The following BDKRB2 variants were observed in gnomAD, a reference collection of about 807,000 sequenced individuals.
BDKRB2 encodes the protein bradykinin receptor B2.
BDKRB2 carries 6 observed loss-of-function variants against 4.0 expected under a neutral mutation model. The observed-to-expected ratio is 1.49, with a 90% CI of 0.81 to 2.93. BDKRB2 has a LOEUF of 2.93. Among genes scored for constraint, BDKRB2 ranks in the 30% most tolerant of loss-of-function variants. BDKRB2 has a pLI of 0.00. For synonymous variants in BDKRB2, 225 were observed against 215.3 expected (o/e 1.05, Z -0.40); for missense variants, 478 against 520.1 (o/e 0.92, Z 0.79).
chr14:96,207,103 T>C (rs1890201314), intron 1 of BDKRB2, among the ~76,000 whole-genome samples: 1 of 151,966 alleles, frequency 6.6e-6, no homozygotes, highest in South Asian at 2.1e-4. Flanking sequence ...TCTCAACAGG[T>C]GAATTTTGGA....
At chr14:96,206,164 C>T (rs900302445) in intron 1 of BDKRB2, among the ~76,000 whole-genome samples, 13 of 152,250 alleles carry the variant, frequency 8.5e-5, no homozygotes, top group African/African-American at 3.1e-4. Context: ...AGACATTCCA[C>T]AGTTGTGAGC....
intron 2 of BDKRB2, chr14:96,238,704 C>A: frequency 9.2e-6 from 9 of 976,488 alleles, no homozygotes; most frequent in Non-Finnish European, 1.1e-5. Context: ...GCCTGGTCCA[C>A]TTGTCCTCCT....
chr14:96,216,931 A>C (rs1346948279), intron 1 of BDKRB2, among the ~76,000 whole-genome samples: 3 of 152,236 alleles, frequency 2.0e-5, no homozygotes, highest in African/African-American at 7.2e-5. Context: ...TGAACCAGAA[A>C]GCCCAAGGAG....
intron 1 of BDKRB2, among the ~76,000 whole-genome samples, chr14:96,206,127 C>T (rs79825401): frequency 0.049 from 7,503 of 152,304 alleles, 434 homozygotes; most frequent in Admixed American, 0.17. Context: ...AACTGTGCTG[C>T]GTCCTTCGGG....
chr14:96,212,456 A>G (rs1890323995), intron 1 of BDKRB2, among the ~76,000 whole-genome samples: 1 of 152,232 alleles, frequency 6.6e-6, no homozygotes, highest in Admixed American at 6.5e-5. Context: ...AAAAAGTAGA[A>G]GAAAGAAAAG....
rs975275806 is a variant in BDKRB2 at position 96,244,097 on chromosome 14, C to G, written c.*2593C>G. On this transcript the variant is annotated 3_prime_UTR_variant, in exon 3 of 3. Coordinates refer to ENST00000554311, the MANE Select transcript of BDKRB2 (RefSeq NM_001379692.1). ...GTTGTAAACAGGAAGCATTTCACAT[C>G]CAAACGAGAAAATCATGTAAACATG... The G allele has an allele frequency of 5.3e-5, 21 of 398,216 alleles. No individual in the cohort carries two copies. The highest frequency in any genetic ancestry group is 8.8e-5 in the Non-Finnish European group (20 of 226,034). 24.7% of individuals were successfully genotyped at this position (398,216 alleles called of 1,614,324 possible).
At position 96,204,857 on chromosome 14, in the gene BDKRB2, G is replaced by T; in HGVS notation, c.-142G>T. The T allele has an allele frequency of 2.7e-6, 1 of 371,750 alleles. No individual in the cohort carries two copies. Among genetic ancestry groups the T allele is most frequent in the South Asian group, 1.8e-5 (1 of 54,776 alleles). The allele number at this position is 371,750 out of a possible 1,614,324, so 23.0% of individuals were successfully genotyped here. A position where few individuals can be genotyped will look rare whatever the true frequency, so the allele number is the denominator to read the frequency against. ...CGCCGCCACTCCAGCTCTGGCTTCT[G>T]GGCTCCGAGGAGGGGTGGGGACGGT... On this transcript the variant is annotated 5_prime_UTR_variant, in exon 1 of 3. Transcript: ENST00000554311.
At chr14:96,238,634 C>A (rs557488310) in intron 2 of BDKRB2, 3 of 977,704 alleles carry the variant, frequency 3.1e-6, no homozygotes, top group Non-Finnish European at 3.6e-6. Flanking sequence ...TCTAGTGTCA[C>A]TTTCCAGAAC....
intron 1 of BDKRB2, among the ~76,000 whole-genome samples, chr14:96,208,266 A>G (rs1209435224): frequency 6.6e-6 from 1 of 152,224 alleles, no homozygotes; most frequent in Non-Finnish European, 1.5e-5. Context: ...GTTGTTTTCT[A>G]GAACAAACGT....
chr14:96,241,138 G>A lies in BDKRB2; in HGVS notation c.810G>A (p.Val270=), dbSNP rs1885278516. ...TCCAGACAGAGAGGAGGGCCACGGT[G>A]CTAGTCCTGGTTGTGCTGCTGCTAT... ...KEIQTERRAT[V]LVLVVLLLFI... Residue 270 remains valine (V), a synonymous_variant, in exon 3 of 3, where the codon GTG becomes GTA. Transcript: ENST00000554311. 5 of 1,612,198 alleles carry A rather than the reference G, an allele frequency of 3.1e-6. No homozygotes were observed. The highest frequency in any genetic ancestry group is 4.2e-6 in the Non-Finnish European group (5 of 1,179,298).
intron 1 of BDKRB2, among the ~76,000 whole-genome samples, chr14:96,229,350 T>C (rs1354097114): frequency 6.6e-6 from 1 of 152,076 alleles, no homozygotes; most frequent in Non-Finnish European, 1.5e-5. Flanking sequence ...GCTTATGTGA[T>C]TGTAGGGATG....
At chr14:96,205,402 C>T (rs116600129) in intron 1 of BDKRB2, among the ~76,000 whole-genome samples, 4,176 of 151,756 alleles carry the variant, frequency 0.028, 196 homozygotes, top group African/African-American at 0.095. Context: ...AGCTATTCAA[C>T]CTCTCTGAGC....
chr14:96,217,575 G>A (rs1041145391), intron 1 of BDKRB2, among the ~76,000 whole-genome samples: 1 of 152,234 alleles, frequency 6.6e-6, no homozygotes, highest in Non-Finnish European at 1.5e-5. Flanking sequence ...GCGTCTGGTG[G>A]CACTACCTCA....
intron 1 of BDKRB2, among the ~76,000 whole-genome samples, chr14:96,207,492 T>C (rs1014244407): frequency 3.9e-5 from 6 of 152,186 alleles, no homozygotes; most frequent in Non-Finnish European, 7.3e-5. Context: ...CAGAGACTTT[T>C]AGGGCAGTGA....
chr14:96,206,206 C>T (rs527365404), intron 1 of BDKRB2, among the ~76,000 whole-genome samples: 150 of 152,278 alleles, frequency 9.9e-4, no homozygotes, highest in African/African-American at 3.4e-3. Context: ...TTTGCTGTTT[C>T]CCCTGCTTGG....
At chr14:96,239,905 T>C in intron 2 of BDKRB2, 4 of 985,866 alleles carry the variant, frequency 4.1e-6, no homozygotes, top group Non-Finnish European at 4.8e-6. Context: ...AGACAGAAAC[T>C]AGGCAGATGG....
At chr14:96,218,183 A>G (rs1890470784) in intron 1 of BDKRB2, among the ~76,000 whole-genome samples, 1 of 152,120 alleles carries the variant, frequency 6.6e-6, no homozygotes, top group African/African-American at 2.4e-5. Context: ...GCAGACGGGC[A>G]GGGTTGAGAT....
chr14:96,237,915 T>C (rs1370708844), intron 2 of BDKRB2: 8 of 1,249,242 alleles, frequency 6.4e-6, no homozygotes, highest in Admixed American at 2.6e-5. Flanking sequence ...TGCTATACTT[T>C]GGTCTCTAGT....
intron 1 of BDKRB2, among the ~76,000 whole-genome samples, chr14:96,216,324 A>T (rs979963771): frequency 1.3e-4 from 19 of 151,584 alleles, no homozygotes; most frequent in Non-Finnish European, 2.8e-4. Flanking sequence ...ACTCTTCTGT[A>T]CCTCCCACCT....
Sources: allele counts gnomAD v4.1 joint callset (sites outside exome capture counted in the v4.1 genomes callset), GRCh38; gene constraint gnomAD v4.1.1; transcripts MANE v1.5; gene names NCBI Gene and HGNC (gene_info 2026-07-23, HGNC 2026-07-21).